WDPCP: variants seen among roughly 807,000 people sequenced by gnomAD.
The protein encoded by WDPCP is WD repeat-containing and planar cell polarity effector protein fritz homolog.
Under a neutral mutation model 93.1 loss-of-function variants are expected in WDPCP, and 71 were observed. That is an observed-to-expected ratio of 0.76 (90% CI 0.63 to 0.93). The LOEUF (loss-of-function observed/expected upper bound fraction) is 0.93. Ranked by LOEUF, WDPCP falls within the 40% of genes least tolerant of loss-of-function variation. The probability of loss-of-function intolerance (pLI) is 0.00; values close to 1 mark genes in which losing one functional copy is unlikely to be tolerated. For synonymous variants in WDPCP, 315 were observed against 315.0 expected, an observed-to-expected ratio of 1.00 and a Z score of 0.00; for missense variants, 844 against 887.4, an observed-to-expected ratio of 0.95 and a Z score of 0.62.
intron 6 of WDPCP, among the ~76,000 whole-genome samples, chr2:63,472,155 C>G (rs1182120643): frequency 6.6e-6 from 1 of 151,718 alleles, no homozygotes; most frequent in Non-Finnish European, 1.5e-5. Flanking sequence ...TTGTATGTAT[C>G]TTGCTGTTTT....
intron 2 of WDPCP, among the ~76,000 whole-genome samples, chr2:63,488,169 C>T (rs1167896196): frequency 6.6e-6 from 1 of 152,024 alleles, no homozygotes. Flanking sequence ...TGTCCATTTT[C>T]TTCATATCTA....
At chr2:63,528,899 G>C (rs1211712266) in intron 1 of WDPCP, among the ~76,000 whole-genome samples, 1 of 152,142 alleles carries the variant, frequency 6.6e-6, no homozygotes, top group Non-Finnish European at 1.5e-5. Context: ...TTGAGCAGTG[G>C]TTTGTAGTTC....
chr2:63,242,068 A>T (rs1278051198), intron 14 of WDPCP, among the ~76,000 whole-genome samples: 1 of 152,212 alleles, frequency 6.6e-6, no homozygotes, highest in Non-Finnish European at 1.5e-5. Flanking sequence ...AATTAAATAC[A>T]CTAAAATAAC....
intron 2 of WDPCP, among the ~76,000 whole-genome samples, chr2:63,774,576 T>G (rs1670277918): frequency 6.6e-6 from 1 of 152,164 alleles, no homozygotes; most frequent in South Asian, 2.1e-4. Flanking sequence ...TATTTTCACT[T>G]GAATAACTTA....
At chr2:63,548,812 A>C (rs1705347171) in intron 1 of WDPCP, among the ~76,000 whole-genome samples, 1 of 152,096 alleles carries the variant, frequency 6.6e-6, no homozygotes, top group African/African-American at 2.4e-5. Flanking sequence ...TTTTCTAACT[A>C]ATTCAGCTAG....
intron 13 of WDPCP, among the ~76,000 whole-genome samples, chr2:63,308,671 C>T (rs1414678722): frequency 6.6e-6 from 1 of 152,010 alleles, no homozygotes. Flanking sequence ...CATGTTCTCA[C>T]TCATAAGTGG....
intron 2 of WDPCP, among the ~76,000 whole-genome samples, chr2:63,653,864 C>A (rs562075430): frequency 6.8e-6 from 1 of 148,032 alleles, no homozygotes; most frequent in African/African-American, 2.5e-5. Context: ...GAGTTGAGAT[C>A]GTGCCACTGC....
chr2:63,392,284 G>A (rs1441249400), intron 10 of WDPCP, among the ~76,000 whole-genome samples: 2 of 152,168 alleles, frequency 1.3e-5, no homozygotes, highest in African/African-American at 4.8e-5. Flanking sequence ...AAGCAATGGG[G>A]AAAGGATTCC....
intron 6 of WDPCP, among the ~76,000 whole-genome samples, chr2:63,483,206 G>A (rs1054989879): frequency 6.6e-6 from 1 of 151,894 alleles, no homozygotes; most frequent in African/African-American, 2.4e-5. Context: ...TGGCAGGCTG[G>A]CCCTCTGGTC....
chr2:63,588,196 C>G lies in WDPCP; in HGVS notation c.75+1G>C. 6.4e-7 allele frequency: 1 copy of G among 1,565,906 alleles called. No individual in the cohort carries two copies. Among genetic ancestry groups the G allele is most frequent in the Non-Finnish European group, 8.7e-7 (1 of 1,153,188 alleles). On this transcript the variant is annotated splice_donor_variant, in intron 1 of 17. Transcript: ENST00000272321. LOFTEE classifies it high-confidence loss of function. Reference sequence around the variant, plus strand: ...CCCCTTGCCCTCGGGCCAGGGCTCACCTGTCTCGGGAGTGGGGAAGAAGCG... The same window carrying G: ...CCCCTTGCCCTCGGGCCAGGGCTCAGCTGTCTCGGGAGTGGGGAAGAAGCG...
chr2:63,273,825 ACG>A (rs71327647), intron 13 of WDPCP, among the ~76,000 whole-genome samples: 95,009 of 144,810 alleles, frequency 0.66, 32,095 homozygotes, highest in African/African-American at 0.87. Context: ...ACACACACAC[ACG>A]CACACACACA....
intron 12 of WDPCP, among the ~76,000 whole-genome samples, chr2:63,318,975 A>G (rs190965237): frequency 6.6e-6 from 1 of 152,322 alleles, no homozygotes; most frequent in East Asian, 1.9e-4. Context: ...AAAAAGAAAA[A>G]GCTGCCAGAG....
chr2:63,320,006 TTAAA>T (rs1434470223), intron 12 of WDPCP, among the ~76,000 whole-genome samples: 5 of 152,138 alleles, frequency 3.3e-5, no homozygotes, highest in African/African-American at 9.7e-5. Flanking sequence ...TTTAAAATAC[TTAAA>T]TAAATGCTAA....
chr2:63,200,440 A>C (rs539502979), intron 14 of WDPCP, among the ~76,000 whole-genome samples: 9 of 152,212 alleles, frequency 5.9e-5, no homozygotes, highest in Non-Finnish European at 1.2e-4. Context: ...GAAGCAACCT[A>C]AGTGTCCATT....
chr2:63,547,918 A>G (rs1705276440), intron 1 of WDPCP, among the ~76,000 whole-genome samples: 1 of 152,140 alleles, frequency 6.6e-6, no homozygotes, highest in Admixed American at 6.6e-5. Flanking sequence ...ACATTTCAAA[A>G]TAGCTAGAAG....
At chr2:63,605,621 G>A (rs963918919) in intron 3 of WDPCP, among the ~76,000 whole-genome samples, 2 of 152,192 alleles carry the variant, frequency 1.3e-5, no homozygotes, top group Non-Finnish European at 2.9e-5. Flanking sequence ...GGTTAAAGGA[G>A]ATTGCACATG....
At chr2:63,356,399 G>C (rs1690023989) in intron 12 of WDPCP, among the ~76,000 whole-genome samples, 2 of 152,110 alleles carry the variant, frequency 1.3e-5, no homozygotes, top group Admixed American at 1.3e-4. Flanking sequence ...AGATATTCAG[G>C]ACCTGAACTC....
Position 63,802,218 on chromosome 2 carries a change from G to A in WDPCP, n.308+11404C>T, listed in dbSNP as rs1670707375. ...CCCAGCACTTTGGAAGGCCAACGTGGGCAGATCACTTGCATCCAGGAGTTT... is the reference window on the plus strand; with the variant it reads ...CCCAGCACTTTGGAAGGCCAACGTGAGCAGATCACTTGCATCCAGGAGTTT... On this transcript the variant is annotated intron_variant and non_coding_transcript_variant, in intron 2 of 4. Coordinates refer to the WDPCP transcript ENST00000467687. 2.3e-5 allele frequency among the ~76,000 whole-genome samples: 3 copies of A among 129,318 alleles called. No homozygotes were observed. The South Asian group carries it at 7.7e-4, about 33-fold the overall frequency. The allele number at this position is 129,318 out of a possible 152,430, so 84.8% of individuals were successfully genotyped here.
Position 63,390,358 on chromosome 2 carries a change from CAA to C in WDPCP, c.1436-8266_1436-8265del, listed in dbSNP as rs773955086. Among the ~76,000 whole-genome samples, 3 of 151,942 alleles carry C rather than the reference CAA, an allele frequency of 2.0e-5. 1 individual carries two copies. Among genetic ancestry groups the C allele is most frequent in the Admixed American group, 1.3e-4 (2 of 15,254 alleles). Reference sequence around the variant, plus strand: ...AGATGTTCTTTGAAACCAACGAGAACAAAGACACAATGTACCAAAATCTCTGG... The same window carrying C: ...AGATGTTCTTTGAAACCAACGAGAACAGACACAATGTACCAAAATCTCTGG... On this transcript the variant is annotated intron_variant, in intron 10 of 17. Transcript: ENST00000272321.
Sources: allele counts gnomAD v4.1 joint callset (sites outside exome capture counted in the v4.1 genomes callset), GRCh38; gene constraint gnomAD v4.1.1; transcripts MANE v1.5; gene names NCBI Gene and HGNC (gene_info 2026-07-23, HGNC 2026-07-21).